RTN4: variants seen among roughly 807,000 people sequenced by gnomAD.
The protein encoded by RTN4 is reticulon-4.
A neutral mutation model predicts 90.4 loss-of-function variants in RTN4; 32 were observed. The observed-to-expected ratio is 0.35, with a 90% CI of 0.27 to 0.48. The LOEUF (loss-of-function observed/expected upper bound fraction) is 0.48, where lower values mean the gene tolerates loss of function less well. RTN4 is among the 20% of genes least tolerant of loss of function. The pLI, the probability that RTN4 is intolerant of heterozygous loss-of-function variation, is 0.99. For synonymous variants in RTN4, 629 were observed against 552.5 expected, an observed-to-expected ratio of 1.14 and a Z score of -1.94; for missense variants, 1,706 against 1,430.2, an observed-to-expected ratio of 1.19 and a Z score of -3.11.
chr2:55,107,105 C>A (rs1013543495), intron 1 of RTN4, among the ~76,000 whole-genome samples: 3 of 151,722 alleles, frequency 2.0e-5, no homozygotes, highest in African/African-American at 7.3e-5. Flanking sequence ...GGTTTTGATA[C>A]ATTTGTCTTA....
chr2:54,986,603 G>A (rs1279949828), intron 4 of RTN4, among the ~76,000 whole-genome samples: 1 of 152,166 alleles, frequency 6.6e-6, no homozygotes, highest in Non-Finnish European at 1.5e-5. Context: ...TATATGAGAT[G>A]AAAACAAAGA....
At chr2:55,031,869 C>T (rs2104895275) in intron 1 of RTN4, among the ~76,000 whole-genome samples, 1 of 152,270 alleles carries the variant, frequency 6.6e-6, no homozygotes, top group Non-Finnish European at 1.5e-5. Flanking sequence ...CAGACCCCTA[C>T]CTCTAGACCC....
intron 1 of RTN4, among the ~76,000 whole-genome samples, chr2:55,087,329 C>T (rs1668859406): frequency 6.6e-6 from 1 of 152,212 alleles, no homozygotes; most frequent in South Asian, 2.1e-4. Flanking sequence ...TGTACAACCA[C>T]TAGCAGTTGA....
chr2:54,977,406 G>A (rs1429191007), intron 5 of RTN4, among the ~76,000 whole-genome samples: 1 of 146,112 alleles, frequency 6.8e-6, no homozygotes, highest in East Asian at 2.0e-4. Context: ...AGCTCAGGCC[G>A]TTTTTTTTTT....
chr2:55,125,428 C>T, the RTN4 span, among the ~76,000 whole-genome samples: 2 of 152,172 alleles, frequency 1.3e-5, no homozygotes, highest in Non-Finnish European at 2.9e-5. Context: ...AGGAAAACAA[C>T]CCCATTAAAA....
chr2:54,996,448 T>C (rs1379646574), intron 3 of RTN4, among the ~76,000 whole-genome samples: 1 of 152,124 alleles, frequency 6.6e-6, no homozygotes, highest in East Asian at 1.9e-4. Flanking sequence ...CCTAAAAAGA[T>C]ATAGTAATCA....
chr2:55,098,108 A>G (rs892841637), intron 1 of RTN4, among the ~76,000 whole-genome samples: 2 of 152,004 alleles, frequency 1.3e-5, no homozygotes, highest in Non-Finnish European at 2.9e-5. Context: ...TACTCCCTTT[A>G]TCACATCTCC....
At chr2:55,085,385 T>C (rs1459232612) in intron 1 of RTN4, among the ~76,000 whole-genome samples, 1 of 152,028 alleles carries the variant, frequency 6.6e-6, no homozygotes, top group Non-Finnish European at 1.5e-5. Context: ...TTGTGGGAGC[T>C]AGCAAGTCCA....
chr2:55,109,856 C>T (rs1230682108), intron 1 of RTN4, among the ~76,000 whole-genome samples: 3 of 152,184 alleles, frequency 2.0e-5, no homozygotes, highest in African/African-American at 4.8e-5. Context: ...TCTGAGGGAG[C>T]ACCCTAAAAC....
chr2:55,036,847 T>C (rs576257121), intron 1 of RTN4, among the ~76,000 whole-genome samples: 21 of 152,194 alleles, frequency 1.4e-4, no homozygotes, highest in Non-Finnish European at 2.9e-4. Flanking sequence ...GCTAACATCA[T>C]ACTTAAAGGT....
chr2:55,027,748 T>C (rs1195664217), intron 2 of RTN4, among the ~76,000 whole-genome samples: 5 of 152,182 alleles, frequency 3.3e-5, no homozygotes, highest in African/African-American at 1.2e-4. Flanking sequence ...CCTCAAATGT[T>C]ATCAACTAAG....
intron 1 of RTN4, among the ~76,000 whole-genome samples, chr2:55,110,055 T>G (rs541969505): frequency 6.6e-6 from 1 of 152,202 alleles, no homozygotes; most frequent in African/African-American, 2.4e-5. Context: ...ACACCTATAA[T>G]CCCAGCATTG....
rs989764657 is a variant in RTN4 at position 54,973,412 on chromosome 2, A to ATGTT, written c.3536+147_3536+150dup. 1.1e-4 allele frequency: 89 copies of ATGTT among 780,306 alleles called. No homozygotes were observed. In the East Asian group the frequency reaches 2.2e-3, roughly 19 times the overall value. 48.3% of individuals were successfully genotyped at this position (780,306 alleles called of 1,614,324 possible). A position where few individuals can be genotyped will look rare whatever the true frequency, so the allele number is the denominator to read the frequency against. ...ATAAACCCAGAAACGAATGGTCCAAATGTTAGAAAAACAATCTTTTGGCAA... is the reference window on the plus strand; with the variant it reads ...ATAAACCCAGAAACGAATGGTCCAAATGTTTGTTAGAAAAACAATCTTTTGGCAA... On this transcript the variant is annotated intron_variant, in intron 8 of 8. Transcript: ENST00000337526.
chr2:55,067,764 C>G (rs1355590426), intron 2 of RTN4, among the ~76,000 whole-genome samples: 5 of 152,098 alleles, frequency 3.3e-5, no homozygotes, highest in Non-Finnish European at 7.3e-5. Flanking sequence ...GACTTTTCAT[C>G]TCAAGATCCC....
intron 1 of RTN4, among the ~76,000 whole-genome samples, chr2:55,048,133 G>C (rs1667873891): frequency 6.6e-6 from 1 of 152,198 alleles, no homozygotes; most frequent in Non-Finnish European, 1.5e-5. Flanking sequence ...TATTTGTGTA[G>C]TGTTTATCTA....
intron 3 of RTN4, among the ~76,000 whole-genome samples, chr2:54,990,244 T>C (rs1330447948): frequency 1.3e-5 from 2 of 152,220 alleles, no homozygotes; most frequent in South Asian, 2.1e-4. Context: ...CAGTCAATAG[T>C]TGTATGTATT....
intron 1 of RTN4, among the ~76,000 whole-genome samples, chr2:55,039,093 T>C (rs1028086385): frequency 6.6e-6 from 1 of 152,200 alleles, no homozygotes; most frequent in African/African-American, 2.4e-5. Context: ...GGGATTGGTG[T>C]TGCGGGTAGG....
At chr2:55,121,052 C>T in the RTN4 span, among the ~76,000 whole-genome samples, 32 of 152,326 alleles carry the variant, frequency 2.1e-4, no homozygotes, top group African/African-American at 7.0e-4. Flanking sequence ...ATGCCTTCGC[C>T]AGACTAAACC....
intron 1 of RTN4, among the ~76,000 whole-genome samples, chr2:55,040,217 A>G (rs1028637411): frequency 1.3e-5 from 2 of 152,206 alleles, no homozygotes; most frequent in Non-Finnish European, 2.9e-5. Context: ...TATTTTATAT[A>G]AAATTTGGTT....
Sources: gnomAD v4.1 joint callset for allele counts (sites outside exome capture counted in the v4.1 genomes callset) on GRCh38, gnomAD v4.1.1 for gene constraint, MANE v1.5 for transcripts, NCBI Gene and HGNC (gene_info 2026-07-23, HGNC 2026-07-21) for gene names.